Variants in PLCL2 observed in about 807,000 individuals in gnomAD.
PLCL2 encodes the protein phospholipase C like 2.
A neutral mutation model predicts 79.6 loss-of-function variants in PLCL2; 4 were observed. The observed-to-expected ratio is 0.05, with a 90% CI of 0.02 to 0.11. The LOEUF is 0.11. Among genes scored for constraint, PLCL2 ranks in the 10% least tolerant of loss-of-function variants. The pLI, the probability that PLCL2 is intolerant of heterozygous loss-of-function variation, is 1.00. For synonymous variants in PLCL2, 484 were observed against 457.7 expected (o/e 1.06, Z -0.73); for missense variants, 895 against 1,291.0 (o/e 0.69, Z 4.70).
intron 1 of PLCL2, among the ~76,000 whole-genome samples, chr3:16,972,088 A>T (rs929914847): frequency 4.6e-5 from 7 of 152,066 alleles, no homozygotes; most frequent in Non-Finnish European, 7.4e-5. Context: ...GAATGGGCAA[A>T]AACTGGAAGC....
chr3:17,017,109 G>A (rs568694745), intron 3 of PLCL2, among the ~76,000 whole-genome samples: 26 of 152,262 alleles, frequency 1.7e-4, no homozygotes, highest in Non-Finnish European at 3.2e-4. Context: ...ATTCGGCTCA[G>A]GAATGGCTCA....
At chr3:16,906,077 T>C (rs1183201046) in intron 1 of PLCL2, among the ~76,000 whole-genome samples, 2 of 152,046 alleles carry the variant, frequency 1.3e-5, no homozygotes, top group African/African-American at 4.8e-5. Flanking sequence ...AAAAAAAAAA[T>C]TGAAAATTAT....
At chr3:16,956,735 A>C (rs1016231312) in intron 1 of PLCL2, among the ~76,000 whole-genome samples, 1 of 152,082 alleles carries the variant, frequency 6.6e-6, no homozygotes, top group African/African-American at 2.4e-5. Flanking sequence ...CAGAGATTCA[A>C]CTTCTTCCTG....
chr3:16,926,860 A>C (rs1260551118), intron 1 of PLCL2, among the ~76,000 whole-genome samples: 1 of 151,910 alleles, frequency 6.6e-6, no homozygotes, highest in Non-Finnish European at 1.5e-5. Flanking sequence ...CGGTCTCCTG[A>C]CCTTGTGATC....
chr3:16,922,832 C>G (rs891379908), intron 1 of PLCL2, among the ~76,000 whole-genome samples: 1 of 151,990 alleles, frequency 6.6e-6, no homozygotes, highest in African/African-American at 2.4e-5. Context: ...GACAACCCTT[C>G]CCTCACCCAC....
At chr3:17,024,654 TGTA>T (rs2064495103) in intron 3 of PLCL2, among the ~76,000 whole-genome samples, 1 of 152,186 alleles carries the variant, frequency 6.6e-6, no homozygotes, top group Non-Finnish European at 1.5e-5. Flanking sequence ...TGTGGTAATT[TGTA>T]TGTCTTTATG....
chr3:17,045,421 T>C (rs952572071), intron 4 of PLCL2, among the ~76,000 whole-genome samples: 4 of 152,168 alleles, frequency 2.6e-5, no homozygotes, highest in African/African-American at 7.2e-5. Flanking sequence ...ATTTTTTACA[T>C]AGGAACATGC....
chr3:16,928,232 CA>C (rs1430872310), intron 1 of PLCL2, among the ~76,000 whole-genome samples: 4 of 152,150 alleles, frequency 2.6e-5, no homozygotes, highest in African/African-American at 9.7e-5. Flanking sequence ...GGAGGCCCTC[CA>C]AGAGGCTGAG....
Position 16,892,431 on chromosome 3 carries a change from G to A in PLCL2, c.327+7065G>A, listed in dbSNP as rs577424999. On this transcript the variant is annotated intron_variant, in intron 1 of 5. Coordinates refer to ENST00000615277, the MANE Select transcript of PLCL2 (RefSeq NM_001144382.2). The stretch of plus-strand genomic sequence containing the variant: ...AAGAGAACATTATTGTTTGCTAAGG[G>A]ATTTAATCTGTTTTTTGGTATTTGG... Among the ~76,000 whole-genome samples the A allele has an allele frequency of 3.9e-3, 351 of 89,044 alleles. 2 individuals carry two copies. The highest frequency in any genetic ancestry group is 0.011 in the African/African-American group (324 of 29,296). 58.4% of individuals were successfully genotyped at this position (89,044 alleles called of 152,430 possible).
chr3:16,939,447 G>C (rs1297235618), intron 1 of PLCL2, among the ~76,000 whole-genome samples: 2 of 152,194 alleles, frequency 1.3e-5, no homozygotes, highest in East Asian at 3.8e-4. Context: ...TGCCTTGAAA[G>C]AGGTGGTTTT....
intron 1 of PLCL2, among the ~76,000 whole-genome samples, chr3:17,008,554 C>G (rs79918074): frequency 1.3e-5 from 2 of 151,946 alleles, no homozygotes; most frequent in African/African-American, 2.4e-5. Context: ...TTCCATGGGC[C>G]TAGCAATCTG....
chr3:17,090,050 T>C lies in PLCL2; in HGVS notation c.*138T>C. On this transcript the variant is annotated 3_prime_UTR_variant, in exon 6 of 6. Coordinates refer to ENST00000615277, the MANE Select transcript of PLCL2 (RefSeq NM_001144382.2). ...AACTGGAATAGCTAATTACAGTCTA[T>C]TAAAACTGTGAATGTATGTAGCAAT... 7.1e-7 allele frequency: 1 copy of C among 1,399,208 alleles called. No homozygotes were observed. Among genetic ancestry groups the C allele is most frequent in the Non-Finnish European group, 9.3e-7 (1 of 1,074,170 alleles). The allele number at this position is 1,399,208 out of a possible 1,614,324, so 86.7% of individuals were successfully genotyped here. A position where few individuals can be genotyped will look rare whatever the true frequency, so the allele number is the denominator to read the frequency against.
intron 1 of PLCL2, among the ~76,000 whole-genome samples, chr3:17,003,588 C>A (rs948606407): frequency 6.6e-6 from 1 of 152,138 alleles, no homozygotes; most frequent in East Asian, 1.9e-4. Context: ...TCCTGCTGAT[C>A]CAGTTTCAGT....
intron 1 of PLCL2, among the ~76,000 whole-genome samples, chr3:16,957,558 A>G (rs1171808963): frequency 1.3e-5 from 2 of 152,018 alleles, no homozygotes; most frequent in South Asian, 2.1e-4. Flanking sequence ...CTTGGTGCAG[A>G]GCTGAGTTCA....
intron 4 of PLCL2, among the ~76,000 whole-genome samples, chr3:17,065,313 T>G (rs1241375960): frequency 1.3e-5 from 2 of 152,198 alleles, no homozygotes; most frequent in Non-Finnish European, 2.9e-5. Context: ...TCTATATCAT[T>G]TTTTATCCTT....
chr3:16,979,787 T>C (rs1182263266), intron 1 of PLCL2, among the ~76,000 whole-genome samples: 42 of 149,112 alleles, frequency 2.8e-4, no homozygotes, highest in Admixed American at 2.1e-3. Flanking sequence ...TTTCCCCACC[T>C]TTCCCCCCTT....
At chr3:17,051,894 G>A (rs2064843692) in intron 4 of PLCL2, among the ~76,000 whole-genome samples, 1 of 152,086 alleles carries the variant, frequency 6.6e-6, no homozygotes, top group Admixed American at 6.6e-5. Context: ...AACCCCATGA[G>A]TTCAACACTG....
chr3:17,002,594 G>T (rs1310406876), intron 1 of PLCL2, among the ~76,000 whole-genome samples: 1 of 151,958 alleles, frequency 6.6e-6, no homozygotes, highest in Non-Finnish European at 1.5e-5. Flanking sequence ...ATATCCAGGT[G>T]TGTGTGTGTG....
chr3:16,964,964 G>A (rs1384754217), intron 1 of PLCL2, among the ~76,000 whole-genome samples: 12 of 152,096 alleles, frequency 7.9e-5, no homozygotes, highest in Admixed American at 2.6e-4. Flanking sequence ...CTCCCATTCT[G>A]TAGGTTGCCT....
Sources: allele counts gnomAD v4.1 joint callset (sites outside exome capture counted in the v4.1 genomes callset), GRCh38; gene constraint gnomAD v4.1.1; transcripts MANE v1.5; gene names NCBI Gene and HGNC (gene_info 2026-07-23, HGNC 2026-07-21).